The following CPNE1 variants were observed in gnomAD, a reference collection of about 807,000 sequenced individuals.
CPNE1 encodes the protein copine 1.
A neutral mutation model predicts 63.2 loss-of-function variants in CPNE1; 58 were observed. That is an observed-to-expected ratio of 0.92 (90% confidence interval 0.74 to 1.14). CPNE1 has a LOEUF of 1.14. Among genes scored for constraint, CPNE1 ranks in the 50% most tolerant of loss-of-function variants. The pLI, the probability that CPNE1 is intolerant of heterozygous loss-of-function variation, is 0.00. For synonymous variants in CPNE1, 237 were observed against 249.0 expected (o/e 0.95, Z 0.45); for missense variants, 672 against 661.7 (o/e 1.02, Z -0.17).
At position 35,632,669 on chromosome 20, in the gene CPNE1, A is replaced by C. The variant is rs2032241178; in HGVS notation, c.157T>G (p.Cys53Gly). 2 of 1,201,856 alleles carry C rather than the reference A, an allele frequency of 1.7e-6. No homozygotes were observed. The highest frequency in any genetic ancestry group is 4.6e-5 in the East Asian group (2 of 43,042). The allele number at this position is 1,201,856 out of a possible 1,614,324, so 74.4% of individuals were successfully genotyped here. Residue 53 changes from cysteine to glycine, a missense_variant, in exon 3 of 16, where the codon TGC becomes GGC. Coordinates refer to ENST00000397443, the MANE Select transcript of CPNE1 (RefSeq NM_152925.3). ...GTCTTGGAGAACTCAGGGCTTGAGC[A>C]GTTCCGCACCCGTTCAGTCCGGCCA... ...ELGRTERVRN[C>G]SSPEFSKTLQ... is the part of the protein sequence containing the mutation.
At chr20:35,630,843 G>A (rs757889436) in intron 11 of CPNE1, 48 bp from the exon 12 acceptor site, 1 of 1,605,126 alleles carries the variant, frequency 6.2e-7, no homozygotes, top group Non-Finnish European at 8.5e-7. Context: ...GGGACTGTAA[G>A]CTCAGAGGCT....
intron 10 of CPNE1, 38 bp downstream of exon 10, chr20:35,631,076 C>T: frequency 6.2e-7 from 1 of 1,614,082 alleles, no homozygotes; most frequent in East Asian, 2.2e-5. Context: ...CACCCTGAGC[C>T]CCAGACCTGT....
intron 1 of CPNE1, among the ~76,000 whole-genome samples, chr20:35,658,618 G>A (rs1024654262): frequency 3.9e-5 from 6 of 151,946 alleles, no homozygotes; most frequent in African/African-American, 7.3e-5. Context: ...AAAATTAGCC[G>A]GGTATGGTGG....
At chr20:35,637,082 A>G (rs1450936440) in intron 1 of CPNE1, among the ~76,000 whole-genome samples, 1 of 152,190 alleles carries the variant, frequency 6.6e-6, no homozygotes, top group Admixed American at 6.5e-5. Context: ...AGGCCTCATC[A>G]GCTTTCCCCC....
chr20:35,646,252 C>CAAAAAAAAAAAAAAA, intron 1 of CPNE1, among the ~76,000 whole-genome samples: 1 of 58,364 alleles, frequency 1.7e-5, no homozygotes, highest in Non-Finnish European at 3.9e-5. Flanking sequence ...AAGACCATCT[C>CAAAAAAAAAAAAAAA]AAAAAAAAAA....
chr20:35,629,236 A>G (rs992391384), intron 13 of CPNE1, among the ~76,000 whole-genome samples: 1 of 152,242 alleles, frequency 6.6e-6, no homozygotes, highest in Non-Finnish European at 1.5e-5. Flanking sequence ...CTGAGCTCCT[A>G]TGACTATTCT....
At chr20:35,634,210 G>A (rs1396767970) in intron 1 of CPNE1, among the ~76,000 whole-genome samples, 7 of 148,920 alleles carry the variant, frequency 4.7e-5, no homozygotes, top group African/African-American at 1.0e-4. Flanking sequence ...GCAGTGAGCC[G>A]AGATGGCGCC....
intron 1 of CPNE1, chr20:35,654,306 T>G: frequency 6.2e-7 from 1 of 1,614,202 alleles, no homozygotes; most frequent in East Asian, 2.2e-5. Flanking sequence ...TATTTCGACC[T>G]ACATGATCTT....
chr20:35,646,878 A>G (rs12480408), intron 1 of CPNE1, among the ~76,000 whole-genome samples: 15,556 of 152,250 alleles, frequency 0.1, 833 homozygotes, highest in South Asian at 0.15. Flanking sequence ...AAATGACTTG[A>G]AACTAGTAAG....
At chr20:35,646,293 A>G (rs962414616) in intron 1 of CPNE1, among the ~76,000 whole-genome samples, 46 of 145,370 alleles carry the variant, frequency 3.2e-4, no homozygotes, top group Non-Finnish European at 5.4e-4. Flanking sequence ...CAAAAAAACT[A>G]TTTAACCCTC....
chr20:35,654,727 A>G (rs2033788666), intron 1 of CPNE1: 1 of 1,613,744 alleles, frequency 6.2e-7, no homozygotes, highest in South Asian at 1.1e-5. Context: ...CATTGGTGGC[A>G]GAGATGGCAT....
chr20:35,651,481 T>C (rs1448225034), intron 1 of CPNE1: 1 of 152,226 alleles, frequency 6.6e-6, no homozygotes, highest in Non-Finnish European at 1.5e-5. Context: ...ACGGATCTTT[T>C]ATTCTATACT....
At chr20:35,653,400 C>A (rs1468706293) in intron 1 of CPNE1, 4 of 1,614,128 alleles carry the variant, frequency 2.5e-6, no homozygotes, top group Non-Finnish European at 3.4e-6. Flanking sequence ...CTGGCACAGG[C>A]ATCTTTAATC....
intron 1 of CPNE1, chr20:35,659,151 AAAAAG>A (rs1300276846): frequency 4.2e-4 from 194 of 464,992 alleles, no homozygotes; most frequent in Non-Finnish European, 6.5e-4. Context: ...AAAAAAAAAA[AAAAAG>A]AAAGACACCG....
chr20:35,644,587 G>A (rs977789375), intron 1 of CPNE1, among the ~76,000 whole-genome samples: 4 of 152,142 alleles, frequency 2.6e-5, no homozygotes, highest in East Asian at 3.8e-4. Flanking sequence ...GAGGCCAGAG[G>A]GAAATAATCT....
chr20:35,639,699 A>G (rs1400470294), intron 1 of CPNE1, among the ~76,000 whole-genome samples: 1 of 152,174 alleles, frequency 6.6e-6, no homozygotes, highest in East Asian at 1.9e-4. Flanking sequence ...GTGAATGACA[A>G]AAGCATTAGC....
intron 1 of CPNE1, among the ~76,000 whole-genome samples, chr20:35,643,702 A>G (rs1384812163): frequency 6.6e-6 from 1 of 152,164 alleles, no homozygotes; most frequent in African/African-American, 2.4e-5. Flanking sequence ...ACTGCACTGC[A>G]GCCTAAGCAA....
intron 1 of CPNE1, among the ~76,000 whole-genome samples, chr20:35,639,602 C>A (rs1472020852): frequency 6.6e-6 from 1 of 152,206 alleles, no homozygotes; most frequent in African/African-American, 2.4e-5. Flanking sequence ...TCCCAAAGTG[C>A]TGGGATTACA....
chr20:35,629,909 T>G lies in CPNE1; in HGVS notation c.1102+530A>C, dbSNP rs958021573. Among the ~76,000 whole-genome samples, 5 of 151,098 alleles carry G rather than the reference T, an allele frequency of 3.3e-5. No homozygotes were observed. In the Admixed American group the frequency reaches 3.3e-4, roughly 10 times the overall value. ...CCTGGGCTCAAGCGATCCACCCACC[T>G]TGGCCTCGCAACTGAGTGCTAGGAT... On this transcript the variant is annotated intron_variant, in intron 13 of 15. Transcript: ENST00000397443.
Sources: allele counts gnomAD v4.1 joint callset (sites outside exome capture counted in the v4.1 genomes callset), GRCh38; gene constraint gnomAD v4.1.1; transcripts MANE v1.5; gene names NCBI Gene and HGNC (gene_info 2026-07-23, HGNC 2026-07-21).